Variants in EPB41L3 observed in about 807,000 individuals in gnomAD.
The protein encoded by EPB41L3 is band 4.1-like protein 3.
A neutral mutation model predicts 127.1 loss-of-function variants in EPB41L3; 57 were observed. That is an observed-to-expected ratio of 0.45 (90% CI 0.36 to 0.56). The LOEUF is 0.56. Ranked by LOEUF, EPB41L3 falls within the 20% of genes least tolerant of loss-of-function variation. The pLI, the probability that EPB41L3 is intolerant of heterozygous loss-of-function variation, is 0.00. For missense variants in EPB41L3, 1,273 were observed against 1,372.2 expected, an observed-to-expected ratio of 0.93 and a Z score of 1.14; for synonymous variants, 572 against 549.5, an observed-to-expected ratio of 1.04 and a Z score of -0.57.
At chr18:5,436,066 C>T (rs144162668) in intron 6 of EPB41L3, among the ~76,000 whole-genome samples, 5 of 152,126 alleles carry the variant, frequency 3.3e-5, no homozygotes, top group African/African-American at 4.8e-5. Flanking sequence ...GTTGATTTGT[C>T]TTCTCCGTTA....
intron 1 of EPB41L3, among the ~76,000 whole-genome samples, chr18:5,504,121 T>C (rs117185844): frequency 2.6e-5 from 4 of 152,138 alleles, no homozygotes; most frequent in South Asian, 2.1e-4. Flanking sequence ...GGGGGAACAA[T>C]AGAACTTTGC....
chr18:5,404,660 T>C (rs28556971), intron 16 of EPB41L3, among the ~76,000 whole-genome samples: 4,313 of 152,320 alleles, frequency 0.028, 188 homozygotes, highest in African/African-American at 0.097. Context: ...CCTGGACTTA[T>C]GAAGTTCCCT....
chr18:5,392,421 G>A lies in EPB41L3; in HGVS notation c.*1064C>T, dbSNP rs1357851037. ...TTTGCCATTTTTATTTCGCTATGCA[G>A]AAACATACATTCACCATGGGCTGTG... On this transcript the variant is annotated 3_prime_UTR_variant, in exon 23 of 23. Transcript: ENST00000341928. The A allele has an allele frequency of 6.6e-6, 1 of 152,554 alleles. No homozygotes were observed. The highest frequency in any genetic ancestry group is 6.6e-5 in the Admixed American group (1 of 15,264). The allele number at this position is 152,554 out of a possible 1,614,324, so 9.5% of individuals were successfully genotyped here.
intron 1 of EPB41L3, among the ~76,000 whole-genome samples, chr18:5,518,773 C>T (rs2092859308): frequency 6.6e-6 from 1 of 152,158 alleles, no homozygotes; most frequent in African/African-American, 2.4e-5. Context: ...GGTCAGTCCC[C>T]TCCTGACAGG....
chr18:5,545,413 C>T (rs1360225780), upstream of EPB41L3, among the ~76,000 whole-genome samples: 2 of 151,932 alleles, frequency 1.3e-5, no homozygotes, highest in African/African-American at 4.8e-5. Flanking sequence ...GGAGACTTGG[C>T]GCAGGTTTCT....
At position 5,462,337 on chromosome 18, in the gene EPB41L3, G is replaced by A. The variant is rs535579512; in HGVS notation, c.381+15904C>T. Among the ~76,000 whole-genome samples, 4 of 152,216 alleles carry A rather than the reference G, an allele frequency of 2.6e-5. No individual in the cohort carries two copies. In the South Asian group the frequency reaches 8.3e-4, roughly 32 times the overall value. The stretch of plus-strand genomic sequence containing the variant: ...AAGCCAAATTAAATAAATAAAAGGA[G>A]AACTGGCAATGAACTGAAAGAAGGC... On this transcript the variant is annotated intron_variant, in intron 3 of 22. Transcript: ENST00000341928.
chr18:5,509,793 G>C (rs931519763), intron 1 of EPB41L3, among the ~76,000 whole-genome samples: 4 of 152,146 alleles, frequency 2.6e-5, no homozygotes, highest in African/African-American at 9.7e-5. Context: ...AGGTCCCAAG[G>C]ATAGGAAAAT....
At chr18:5,455,482 C>T (rs1454164311) in intron 3 of EPB41L3, among the ~76,000 whole-genome samples, 1 of 152,102 alleles carries the variant, frequency 6.6e-6, no homozygotes, top group Non-Finnish European at 1.5e-5. Context: ...ATAGCAATGT[C>T]CAAACTAGAT....
chr18:5,411,107 C>G (rs1004650076), intron 13 of EPB41L3, among the ~76,000 whole-genome samples: 1 of 152,122 alleles, frequency 6.6e-6, no homozygotes, highest in Non-Finnish European at 1.5e-5. Context: ...TCATTTATAC[C>G]ATTATGATAA....
rs1213371473 is a variant in EPB41L3 at position 5,478,267 on chromosome 18, C to T, written c.355G>A (p.Gly119Arg). 6.2e-7 allele frequency: 1 copy of T among 1,614,088 alleles called. No individual in the cohort carries two copies. The highest frequency in any genetic ancestry group is 8.5e-7 in the Non-Finnish European group (1 of 1,179,998). ...TCTACATCACAGGTATATTCTGATC[C>T]ATCGAGAAGTATCACTTTGCACTGC... ...SMQCKVILLD[G>R]SEYTCDVEKR... Residue 119 changes from glycine to arginine, a missense_variant, in exon 3 of 23, where the codon GGA becomes AGA. Gly to Arg is a moderately radical substitution (Grantham distance 125). This residue lies in a region of EPB41L3 where 326 missense variants were observed against 440.2 expected (regional missense o/e 0.74). Coordinates refer to ENST00000341928, the MANE Select transcript of EPB41L3 (RefSeq NM_012307.5).
upstream of EPB41L3, among the ~76,000 whole-genome samples, chr18:5,548,177 C>T (rs77866775): frequency 6.6e-4 from 100 of 152,284 alleles, no homozygotes; most frequent in African/African-American, 2.3e-3. Context: ...TCAGCCACAG[C>T]GTTACTGGGG....
intron 3 of EPB41L3, among the ~76,000 whole-genome samples, chr18:5,561,124 C>A (rs1026946286): frequency 2.0e-5 from 3 of 149,360 alleles, no homozygotes; most frequent in Non-Finnish European, 4.5e-5. Flanking sequence ...ACTACAGGCG[C>A]CCGCCACTAC....
rs867634245 is a variant in EPB41L3 at position 5,392,844 on chromosome 18, A to G, written c.*641T>C. On this transcript the variant is annotated 3_prime_UTR_variant, in exon 23 of 23. Coordinates refer to ENST00000341928, the MANE Select transcript of EPB41L3 (RefSeq NM_012307.5). ...AATATGCTAAAATCAGTACTACCTTATAACAAATTAAATGAGATACACAAA... is the reference window on the plus strand; with the variant it reads ...AATATGCTAAAATCAGTACTACCTTGTAACAAATTAAATGAGATACACAAA... The G allele has an allele frequency of 6.6e-6, 1 of 152,638 alleles. No individual in the cohort carries two copies. The highest frequency in any genetic ancestry group is 1.5e-5 in the Non-Finnish European group (1 of 68,064). 9.5% of individuals were successfully genotyped at this position (152,638 alleles called of 1,614,324 possible). A position where few individuals can be genotyped will look rare whatever the true frequency, so the allele number is the denominator to read the frequency against.
intron 3 of EPB41L3, among the ~76,000 whole-genome samples, chr18:5,593,386 A>G (rs2094504888): frequency 6.6e-6 from 1 of 152,132 alleles, no homozygotes; most frequent in South Asian, 2.1e-4. Flanking sequence ...AGGTTCCAAG[A>G]TGCCCCCTGA....
intron 3 of EPB41L3, among the ~76,000 whole-genome samples, chr18:5,598,548 A>G (rs1408412005): frequency 6.6e-6 from 1 of 152,210 alleles, no homozygotes; most frequent in Admixed American, 6.5e-5. Context: ...CTACCTAAGC[A>G]AAAGTTCTTT....
chr18:5,470,080 CTT>C (rs1375011011), intron 3 of EPB41L3, among the ~76,000 whole-genome samples: 2 of 152,122 alleles, frequency 1.3e-5, no homozygotes, highest in Non-Finnish European at 2.9e-5. Flanking sequence ...GTCTGGCTGA[CTT>C]TGCATGTTTT....
chr18:5,630,563 A>G (rs774989218), upstream of EPB41L3: 1 of 514,260 alleles, frequency 1.9e-6, no homozygotes, highest in Non-Finnish European at 3.9e-6. Flanking sequence ...GGCGGGAAAG[A>G]GCTCCTGGAG....
intron 3 of EPB41L3, among the ~76,000 whole-genome samples, chr18:5,461,048 A>G (rs935879352): frequency 6.6e-6 from 1 of 152,102 alleles, no homozygotes; most frequent in African/African-American, 2.4e-5. Flanking sequence ...CCCTATCATG[A>G]GGAATTTGCA....
intron 3 of EPB41L3, among the ~76,000 whole-genome samples, chr18:5,604,057 G>A (rs2094620851): frequency 2.0e-5 from 3 of 151,694 alleles, no homozygotes; most frequent in African/African-American, 7.3e-5. Flanking sequence ...ATACATACAT[G>A]CATACACATG....
Sources: gnomAD v4.1 joint callset for allele counts (sites outside exome capture counted in the v4.1 genomes callset) on GRCh38, gnomAD v4.1.1 for gene constraint, gnomAD v4.1.1 regional missense constraint, MANE v1.5 for transcripts, NCBI Gene and HGNC (gene_info 2026-07-23, HGNC 2026-07-21) for gene names.